Variants in MAGI1 observed in about 807,000 individuals in gnomAD.
The protein encoded by MAGI1 is membrane-associated guanylate kinase, WW and PDZ domain-containing protein 1.
A neutral mutation model predicts 139.9 loss-of-function variants in MAGI1; 58 were observed. The observed-to-expected ratio is 0.41, with a 90% CI of 0.34 to 0.52. The LOEUF (loss-of-function observed/expected upper bound fraction) is 0.52, where lower values mean the gene tolerates loss of function less well. MAGI1 is among the 20% of genes least tolerant of loss of function. MAGI1 has a pLI of 0.12. For synonymous variants in MAGI1, 812 were observed against 737.9 expected (o/e 1.10, Z -1.63); for missense variants, 1,874 against 1,901.6 (o/e 0.99, Z 0.27).
intron 1 of MAGI1, among the ~76,000 whole-genome samples, chr3:65,663,207 G>A (rs759263894): frequency 6.6e-6 from 1 of 152,220 alleles, no homozygotes; most frequent in Non-Finnish European, 1.5e-5. Flanking sequence ...AAACGCAAAT[G>A]TTGGTTATCT....
intron 1 of MAGI1, among the ~76,000 whole-genome samples, chr3:66,018,113 T>TC (rs2067752882): frequency 1.7e-5 from 1 of 57,610 alleles, no homozygotes; most frequent in African/African-American, 4.8e-5. Context: ...GACACTTTGG[T>TC]GGGGGGGGGG....
chr3:65,618,346 T>C (rs868811060), intron 2 of MAGI1, among the ~76,000 whole-genome samples: 7 of 152,244 alleles, frequency 4.6e-5, no homozygotes, highest in Admixed American at 2.0e-4. Context: ...AAAGATCTAA[T>C]GGAAAATAAG....
At chr3:65,764,096 A>C (rs914604791) in intron 1 of MAGI1, among the ~76,000 whole-genome samples, 16 of 151,664 alleles carry the variant, frequency 1.1e-4, no homozygotes, top group African/African-American at 3.6e-4. Flanking sequence ...AAAAAAAAAA[A>C]AAAACCTTGT....
chr3:65,750,902 C>G (rs1326183185), intron 1 of MAGI1, among the ~76,000 whole-genome samples: 1 of 152,168 alleles, frequency 6.6e-6, no homozygotes, highest in Non-Finnish European at 1.5e-5. Flanking sequence ...TATTACAGTG[C>G]TAGGTGTCAT....
At chr3:65,990,206 G>A (rs529343291) in intron 1 of MAGI1, among the ~76,000 whole-genome samples, 1 of 152,224 alleles carries the variant, frequency 6.6e-6, no homozygotes, top group African/African-American at 2.4e-5. Context: ...AGTCACCACG[G>A]CAAGGTGCGG....
chr3:65,520,264 CA>C (rs1231316981), intron 2 of MAGI1, among the ~76,000 whole-genome samples: 1 of 151,924 alleles, frequency 6.6e-6, no homozygotes, highest in Non-Finnish European at 1.5e-5. Flanking sequence ...AACAGATAAC[CA>C]AAAAAAGAAT....
At position 66,038,192 on chromosome 3, in the gene MAGI1, C is replaced by G. The variant is rs371444849; in HGVS notation, c.117G>C (p.Gly39=). 6.2e-7 allele frequency: 1 copy of G among 1,612,214 alleles called. No homozygotes were observed. Among genetic ancestry groups the G allele is most frequent in the Non-Finnish European group, 8.5e-7 (1 of 1,179,744 alleles). Residue 39 remains glycine, a synonymous_variant, in exon 1 of 23, where the codon GGG becomes GGC. Transcript: ENST00000402939. Reference sequence around the variant, plus strand: ...CCACCGCTCCGACGTACGGAAACTCCCCGTGCTCCGCGCCTCCCAGCACCG... The same window carrying G: ...CCACCGCTCCGACGTACGGAAACTCGCCGTGCTCCGCGCCTCCCAGCACCG... ...GVTVLGGAEH[G]EFPYVGAVAA... is the part of the protein sequence containing the mutation.
chr3:65,521,895 A>G (rs2078181507), intron 2 of MAGI1, among the ~76,000 whole-genome samples: 2 of 152,200 alleles, frequency 1.3e-5, no homozygotes, highest in South Asian at 2.1e-4. Flanking sequence ...GCTTATTTCA[A>G]TGGGACTTAA....
intron 2 of MAGI1, among the ~76,000 whole-genome samples, chr3:65,506,150 G>A (rs1377618564): frequency 6.6e-6 from 1 of 152,144 alleles, no homozygotes; most frequent in Non-Finnish European, 1.5e-5. Flanking sequence ...TCAAATCTCA[G>A]CTCTGGTATT....
intron 2 of MAGI1, chr3:65,597,788 A>G (rs1553676856): frequency 2.2e-6 from 1 of 456,636 alleles, no homozygotes; most frequent in Non-Finnish European, 4.4e-6. Flanking sequence ...GGGTGGCGAG[A>G]GGAGATCATG....
chr3:65,996,019 A>C (rs1195051790), intron 1 of MAGI1, among the ~76,000 whole-genome samples: 1 of 152,032 alleles, frequency 6.6e-6, no homozygotes, highest in Non-Finnish European at 1.5e-5. Context: ...CAAAACAAAA[A>C]CGGGATCTTT....
chr3:65,379,151 A>C (rs777950312), intron 17 of MAGI1, 110 bp downstream of exon 17: 2 of 1,570,092 alleles, frequency 1.3e-6, no homozygotes, highest in South Asian at 2.3e-5. Flanking sequence ...CAGAGCAAGA[A>C]GCTATAAAGC....
At chr3:65,549,977 A>T (rs953527452) in intron 2 of MAGI1, among the ~76,000 whole-genome samples, 2 of 152,188 alleles carry the variant, frequency 1.3e-5, no homozygotes, top group East Asian at 3.9e-4. Context: ...GAGCCAAAAA[A>T]TTCTCTTCTG....
At chr3:65,942,728 T>C (rs963033901) in intron 1 of MAGI1, among the ~76,000 whole-genome samples, 1 of 152,174 alleles carries the variant, frequency 6.6e-6, no homozygotes, top group African/African-American at 2.4e-5. Context: ...TCAGTATTTG[T>C]AAAATGCGAC....
chr3:65,426,908 G>A (rs1318687662), intron 12 of MAGI1, among the ~76,000 whole-genome samples: 1 of 152,162 alleles, frequency 6.6e-6, no homozygotes, highest in African/African-American at 2.4e-5. Context: ...TGTAGATGTT[G>A]ATGAATATGG....
chr3:65,549,996 C>T (rs776542770), intron 2 of MAGI1, among the ~76,000 whole-genome samples: 23 of 152,136 alleles, frequency 1.5e-4, no homozygotes, highest in Non-Finnish European at 2.8e-4. Context: ...TGGTACAGAA[C>T]ATTTTAAAAG....
intron 2 of MAGI1, among the ~76,000 whole-genome samples, chr3:65,540,839 T>C (rs2079175590): frequency 6.6e-6 from 1 of 152,118 alleles, no homozygotes; most frequent in South Asian, 2.1e-4. Context: ...TGGTAAAATA[T>C]AATAACCAGT....
intron 1 of MAGI1, among the ~76,000 whole-genome samples, chr3:65,663,905 C>A (rs1222020533): frequency 6.6e-6 from 1 of 152,158 alleles, no homozygotes; most frequent in African/African-American, 2.4e-5. Flanking sequence ...CACTGTGAAC[C>A]ACTGACCTAT....
intron 1 of MAGI1, among the ~76,000 whole-genome samples, chr3:66,023,017 G>A (rs190728940): frequency 6.6e-6 from 1 of 152,298 alleles, no homozygotes; most frequent in East Asian, 1.9e-4. Context: ...GCATTTTATA[G>A]TAGCAGAAAG....
Sources: gnomAD v4.1 joint callset for allele counts (sites outside exome capture counted in the v4.1 genomes callset) on GRCh38, gnomAD v4.1.1 for gene constraint, MANE v1.5 for transcripts, NCBI Gene and HGNC (gene_info 2026-07-23, HGNC 2026-07-21) for gene names.